C12orf42: variants seen among roughly 807,000 people sequenced by gnomAD.
C12orf42 encodes the protein uncharacterized protein C12orf42.
In C12orf42, 25 loss-of-function variants were observed where a neutral mutation model predicts 21.6. The observed-to-expected ratio is 1.16, with a 90% CI of 0.84 to 1.62. The LOEUF is 1.62. Ranked by LOEUF, C12orf42 falls within the 40% of genes most tolerant of loss-of-function variation. The probability of loss-of-function intolerance (pLI) is 0.00; values close to 1 mark genes in which losing one functional copy is unlikely to be tolerated. For synonymous variants in C12orf42, 174 were observed against 175.0 expected (o/e 0.99, Z 0.05); for missense variants, 483 against 459.3 (o/e 1.05, Z -0.47).
chr12:103,267,623 C>T (rs552587005), downstream of C12orf42: 1 of 152,128 alleles, frequency 6.6e-6, no homozygotes, highest in African/African-American at 2.4e-5. Flanking sequence ...CACTTCATAT[C>T]AGTATCTTAC....
intron 2 of C12orf42, chr12:103,477,116 C>A (rs867957153): frequency 1.3e-5 from 2 of 152,140 alleles, no homozygotes; most frequent in Non-Finnish European, 2.9e-5. Context: ...CACAGGGGAA[C>A]AAAGCTGGCC....
chr12:103,434,544 G>A (rs959204566), intron 2 of C12orf42, among the ~76,000 whole-genome samples: 6 of 152,076 alleles, frequency 3.9e-5, no homozygotes, highest in Admixed American at 6.5e-5. Context: ...GTGGGTGCGC[G>A]TACCATGCAC....
At chr12:103,295,676 A>G (rs915540375) in intron 4 of C12orf42, among the ~76,000 whole-genome samples, 3 of 152,194 alleles carry the variant, frequency 2.0e-5, no homozygotes, top group African/African-American at 4.8e-5. Flanking sequence ...AGTTAGATCT[A>G]TAACCTCTTA....
chr12:103,452,967 T>C (rs1952048053), intron 2 of C12orf42, among the ~76,000 whole-genome samples: 1 of 151,846 alleles, frequency 6.6e-6, no homozygotes, highest in Non-Finnish European at 1.5e-5. Context: ...ATGGCACATG[T>C]ATACATATGT....
At chr12:103,426,857 T>G (rs1949852816) in intron 2 of C12orf42, among the ~76,000 whole-genome samples, 1 of 152,188 alleles carries the variant, frequency 6.6e-6, no homozygotes, top group Admixed American at 6.5e-5. Context: ...CCAGCCAAAC[T>G]AAGCTTCATA....
chr12:103,301,294 A>T (rs371988736), downstream of C12orf42, among the ~76,000 whole-genome samples: 13 of 152,350 alleles, frequency 8.5e-5, no homozygotes, highest in East Asian at 2.5e-3. Flanking sequence ...AACTGCATGT[A>T]TGCATATCGG....
the C12orf42 span, among the ~76,000 whole-genome samples, chr12:103,527,612 T>C: frequency 1.9e-4 from 29 of 152,234 alleles, no homozygotes; most frequent in African/African-American, 6.8e-4. Context: ...TCCTTCCTGA[T>C]ACAATCAGTA....
chr12:103,064,499 T>C, the C12orf42 span, among the ~76,000 whole-genome samples: 3 of 152,242 alleles, frequency 2.0e-5, no homozygotes, highest in African/African-American at 7.2e-5. Flanking sequence ...ACTTAATTTA[T>C]ATAAGCAGAA....
the C12orf42 span, among the ~76,000 whole-genome samples, chr12:103,165,811 G>GT: frequency 6.6e-6 from 1 of 151,916 alleles, no homozygotes; most frequent in African/African-American, 2.4e-5. Flanking sequence ...GGAGGCCGAG[G>GT]GGGTAGATCA....
intron 4 of C12orf42, among the ~76,000 whole-genome samples, chr12:103,366,349 A>G (rs1395339004): frequency 6.6e-6 from 1 of 152,144 alleles, no homozygotes; most frequent in Non-Finnish European, 1.5e-5. Flanking sequence ...AAGACCCAAC[A>G]CTATAAAAAT....
At chr12:103,366,955 T>C (rs1203789150) in intron 4 of C12orf42, among the ~76,000 whole-genome samples, 1 of 152,092 alleles carries the variant, frequency 6.6e-6, no homozygotes, top group Non-Finnish European at 1.5e-5. Flanking sequence ...ACTGGGTATC[T>C]ACCCATAGGA....
chr12:103,119,305 T>G, the C12orf42 span, among the ~76,000 whole-genome samples: 5 of 152,238 alleles, frequency 3.3e-5, no homozygotes, highest in Non-Finnish European at 7.3e-5. Context: ...GATGATTAAA[T>G]GAGATAACAC....
chr12:103,146,425 A>G, the C12orf42 span, among the ~76,000 whole-genome samples: 1 of 149,940 alleles, frequency 6.7e-6, no homozygotes, highest in Non-Finnish European at 1.5e-5. Context: ...GGTTGCAATG[A>G]GCTGAGATCA....
the C12orf42 span, among the ~76,000 whole-genome samples, chr12:103,219,660 C>T: frequency 6.6e-6 from 1 of 152,136 alleles, no homozygotes; most frequent in Non-Finnish European, 1.5e-5. Context: ...ATATGAAAAA[C>T]CGCTCATCAT....
the C12orf42 span, among the ~76,000 whole-genome samples, chr12:103,516,436 A>C: frequency 2.0e-5 from 3 of 152,266 alleles, no homozygotes; most frequent in Non-Finnish European, 4.4e-5. Flanking sequence ...TCACACTGCT[A>C]TAAAGAAATG....
the C12orf42 span, among the ~76,000 whole-genome samples, chr12:103,202,665 G>A: frequency 1.2e-4 from 19 of 152,166 alleles, no homozygotes; most frequent in African/African-American, 3.9e-4. Flanking sequence ...CCAATATAAG[G>A]AGCATTGCTT....
chr12:103,526,937 A>G, the C12orf42 span, among the ~76,000 whole-genome samples: 1 of 152,242 alleles, frequency 6.6e-6, no homozygotes, highest in Non-Finnish European at 1.5e-5. Context: ...ACAGTAGAAC[A>G]GAACCAAAAC....
intron 4 of C12orf42, among the ~76,000 whole-genome samples, chr12:103,309,702 A>T (rs1419034047): frequency 2.0e-5 from 3 of 152,238 alleles, no homozygotes; most frequent in Non-Finnish European, 2.9e-5. Context: ...GAGAGCAGGA[A>T]AAAGTTAGAG....
At chr12:103,375,999 C>A (rs181687849) in intron 3 of C12orf42, among the ~76,000 whole-genome samples, 2 of 152,290 alleles carry the variant, frequency 1.3e-5, no homozygotes, top group Admixed American at 1.3e-4. Flanking sequence ...AAAATAATAT[C>A]TACCATCTAC....
Sources: allele counts gnomAD v4.1 joint callset (sites outside exome capture counted in the v4.1 genomes callset), GRCh38; gene constraint gnomAD v4.1.1; transcripts MANE v1.5; gene names NCBI Gene and HGNC (gene_info 2026-07-23, HGNC 2026-07-21).